Variants in NALF1 observed in about 807,000 individuals in gnomAD.
NALF1 encodes the protein family with sequence similarity 155 member A.
Under a neutral mutation model 48.4 loss-of-function variants are expected in NALF1, and 3 were observed. That is an observed-to-expected ratio of 0.06 (90% CI 0.03 to 0.16). The LOEUF (loss-of-function observed/expected upper bound fraction) is 0.16. Ranked by LOEUF, NALF1 falls within the 10% of genes least tolerant of loss-of-function variation. NALF1 has a pLI of 1.00. For missense variants in NALF1, 526 were observed against 571.5 expected (o/e 0.92, Z 0.81); for synonymous variants, 262 against 245.7 (o/e 1.07, Z -0.62).
chr13:107,532,448 A>T (rs893081214), intron 1 of NALF1, among the ~76,000 whole-genome samples: 1 of 152,062 alleles, frequency 6.6e-6, no homozygotes, highest in Non-Finnish European at 1.5e-5. Context: ...TGCTTTTCCA[A>T]TAAGCGTTCA....
chr13:107,806,341 G>T (rs532276726), intron 1 of NALF1, among the ~76,000 whole-genome samples: 1 of 151,766 alleles, frequency 6.6e-6, no homozygotes, highest in Non-Finnish European at 1.5e-5. Context: ...ATTAAAAGAC[G>T]GAAATGTTAA....
chr13:107,695,281 G>A (rs182901074), intron 1 of NALF1, among the ~76,000 whole-genome samples: 11 of 152,290 alleles, frequency 7.2e-5, no homozygotes, highest in African/African-American at 2.6e-4. Context: ...GTGCTCCAGA[G>A]AGTTGACAGA....
chr13:107,458,369 T>TG (rs1164220959), intron 1 of NALF1, among the ~76,000 whole-genome samples: 4 of 152,044 alleles, frequency 2.6e-5, no homozygotes, highest in Non-Finnish European at 4.4e-5. Context: ...AAAATAGCAG[T>TG]GAGAACAGGG....
At chr13:107,693,330 G>GC (rs1437831962) in intron 1 of NALF1, among the ~76,000 whole-genome samples, 2 of 67,198 alleles carry the variant, frequency 3.0e-5, no homozygotes, top group Non-Finnish European at 7.7e-5. Context: ...TCGTAGGGTA[G>GC]GGGGGGCGGG....
intron 1 of NALF1, among the ~76,000 whole-genome samples, chr13:107,514,421 A>ACATC (rs1555305737): frequency 6.7e-6 from 1 of 148,646 alleles, no homozygotes; most frequent in Non-Finnish European, 1.5e-5. Context: ...AGCTTCTCCT[A>ACATC]TATCTATCTA....
chr13:107,853,800 C>G (rs1203177047), intron 1 of NALF1, among the ~76,000 whole-genome samples: 1 of 152,150 alleles, frequency 6.6e-6, no homozygotes, highest in African/African-American at 2.4e-5. Context: ...ATTGGGTACT[C>G]TTTTAAAAAA....
chr13:107,439,502 T>C (rs1255294737), intron 1 of NALF1, among the ~76,000 whole-genome samples: 1 of 152,202 alleles, frequency 6.6e-6, no homozygotes, highest in South Asian at 2.1e-4. Context: ...CCAGCTATCT[T>C]AAAAATACTT....
intron 1 of NALF1, among the ~76,000 whole-genome samples, chr13:107,468,608 A>T (rs1489129975): frequency 6.6e-6 from 1 of 152,246 alleles, no homozygotes; most frequent in Non-Finnish European, 1.5e-5. Flanking sequence ...AGCTGACCAG[A>T]CATAATTTTA....
chr13:107,761,181 C>T (rs1337352980), intron 1 of NALF1, among the ~76,000 whole-genome samples: 1 of 152,020 alleles, frequency 6.6e-6, no homozygotes, highest in Non-Finnish European at 1.5e-5. Context: ...CACGGTGAAA[C>T]CCCATTTCTA....
In NALF1 at chr13:107,167,216, T is replaced by G. The variant is rs1594050686; in HGVS notation, c.*3281A>C. On this transcript the variant is annotated 3_prime_UTR_variant, in exon 3 of 3. Transcript: ENST00000375915. ...TTGCTTGCAGAAATAATTATTTTAA[T>G]ATTGTAGTTCATTAGCCAGTATACG... 6.6e-6 allele frequency: 1 copy of G among 152,210 alleles called. No individual in the cohort carries two copies. The highest frequency in any genetic ancestry group is 2.4e-5 in the African/African-American group (1 of 41,462). 9.4% of individuals were successfully genotyped at this position (152,210 alleles called of 1,614,324 possible).
intron 1 of NALF1, among the ~76,000 whole-genome samples, chr13:107,453,318 A>G (rs986162379): frequency 2.6e-5 from 4 of 152,184 alleles, no homozygotes; most frequent in South Asian, 2.1e-4. Context: ...GCATTTCCCT[A>G]TATCCCTGGA....
intron 1 of NALF1, among the ~76,000 whole-genome samples, chr13:107,832,237 TTAATA>T (rs1451341470): frequency 6.6e-6 from 1 of 151,786 alleles, no homozygotes; most frequent in Non-Finnish European, 1.5e-5. Flanking sequence ...CATGTTATCA[TTAATA>T]TAATATTTAT....
At chr13:107,314,679 G>A (rs1882110599) in intron 1 of NALF1, among the ~76,000 whole-genome samples, 1 of 151,972 alleles carries the variant, frequency 6.6e-6, no homozygotes, top group Non-Finnish European at 1.5e-5. Flanking sequence ...CACTTTGTTG[G>A]CCACTGAGCT....
chr13:107,843,535 C>A (rs374036034), intron 1 of NALF1, among the ~76,000 whole-genome samples: 1 of 152,282 alleles, frequency 6.6e-6, no homozygotes. Flanking sequence ...TGCTCAGCCC[C>A]ACCCCAGACC....
chr13:107,532,974 A>T (rs1876690017), intron 1 of NALF1, among the ~76,000 whole-genome samples: 1 of 152,272 alleles, frequency 6.6e-6, no homozygotes, highest in South Asian at 2.1e-4. Flanking sequence ...ATTAAAAATG[A>T]TATAAAAATT....
chr13:107,778,117 G>T (rs545146369), intron 1 of NALF1, among the ~76,000 whole-genome samples: 57 of 152,152 alleles, frequency 3.7e-4, no homozygotes, highest in Non-Finnish European at 4.1e-4. Context: ...ATGAAATAAC[G>T]TGTGAAAACA....
chr13:107,241,505 T>C (rs1394275701), intron 1 of NALF1, among the ~76,000 whole-genome samples: 1 of 152,196 alleles, frequency 6.6e-6, no homozygotes, highest in Admixed American at 6.5e-5. Context: ...AGTAGCCCAT[T>C]AGCTGTGTAA....
intron 1 of NALF1, among the ~76,000 whole-genome samples, chr13:107,496,776 T>C (rs1267189180): frequency 1.3e-5 from 2 of 152,102 alleles, no homozygotes; most frequent in East Asian, 3.9e-4. Context: ...AAGTCACATC[T>C]TAGATGGATG....
At chr13:107,300,991 A>G (rs745372695) in intron 1 of NALF1, among the ~76,000 whole-genome samples, 49 of 152,352 alleles carry the variant, frequency 3.2e-4, no homozygotes, top group Admixed American at 6.5e-4. Context: ...TCAGGTTACT[A>G]TATAAAATGG....
Sources: gnomAD v4.1 joint callset for allele counts (sites outside exome capture counted in the v4.1 genomes callset) on GRCh38, gnomAD v4.1.1 for gene constraint, MANE v1.5 for transcripts, NCBI Gene and HGNC (gene_info 2026-07-23, HGNC 2026-07-21) for gene names.